Variants in FAHD2A observed in about 807,000 individuals in gnomAD.
FAHD2A encodes the protein fumarylacetoacetate hydrolase domain containing 2A, also known as oxaloacetate tautomerase FAHD2A, mitochondrial.
FAHD2A carries 27 observed loss-of-function variants against 33.4 expected under a neutral mutation model. That is an observed-to-expected ratio of 0.81 (90% CI 0.60 to 1.11). The LOEUF (loss-of-function observed/expected upper bound fraction) is 1.11. FAHD2A is among the 50% of genes most tolerant of loss of function. The probability of loss-of-function intolerance (pLI) is 0.00; values close to 1 mark genes in which losing one functional copy is unlikely to be tolerated. For missense variants in FAHD2A, 296 were observed against 395.0 expected (o/e 0.75, Z 2.12); for synonymous variants, 130 against 153.3 (o/e 0.85, Z 1.12).
In FAHD2A at chr2:95,413,943, A is replaced by T; in HGVS notation, c.*986A>T. On this transcript the variant is annotated 3_prime_UTR_variant, in exon 8 of 8. Transcript: ENST00000233379. ...GGGAGCAGGGGGACAGAAGATGGTGACACTGGCTCCTCTCACCCCTAGGTC... is the reference window on the plus strand; with the variant it reads ...GGGAGCAGGGGGACAGAAGATGGTGTCACTGGCTCCTCTCACCCCTAGGTC... 2 of 1,257,682 alleles carry T rather than the reference A, an allele frequency of 1.6e-6. No individual in the cohort carries two copies. The highest frequency in any genetic ancestry group is 1.2e-6 in the Non-Finnish European group (1 of 856,466). 77.9% of individuals were successfully genotyped at this position (1,257,682 alleles called of 1,614,324 possible). A position where few individuals can be genotyped will look rare whatever the true frequency, so the allele number is the denominator to read the frequency against.
downstream of FAHD2A, among the ~76,000 whole-genome samples, chr2:95,418,600 G>A (rs1362272136): frequency 6.6e-6 from 1 of 151,998 alleles, no homozygotes; most frequent in Non-Finnish European, 1.5e-5. Flanking sequence ...TGTGAGGTTA[G>A]TAGAGAGCTT....
At chr2:95,404,171 C>T (rs567199415) in intron 1 of FAHD2A, among the ~76,000 whole-genome samples, 14 of 152,252 alleles carry the variant, frequency 9.2e-5, no homozygotes, top group Admixed American at 8.5e-4. Flanking sequence ...GAGCAAGGAA[C>T]CATTCAGGGA....
chr2:95,412,326 C>A lies in FAHD2A; in HGVS notation c.686-108C>A, dbSNP rs907803307. 5.3e-6 allele frequency: 7 copies of A among 1,323,824 alleles called. No individual in the cohort carries two copies. The African/African-American group carries it at 5.8e-5, about 11-fold the overall frequency. The allele number at this position is 1,323,824 out of a possible 1,614,324, so 82.0% of individuals were successfully genotyped here. ...CTGAGTCAATGTGGGCACTTTGAAG[C>A]CCTTTCACCTGCCAAGTCACGAAGC... On this transcript the variant is annotated intron_variant, in intron 5 of 7. Coordinates refer to ENST00000233379, the MANE Select transcript of FAHD2A (RefSeq NM_016044.3).
intron 1 of FAHD2A, among the ~76,000 whole-genome samples, chr2:95,404,789 A>G (rs948940618): frequency 4.6e-5 from 7 of 152,230 alleles, no homozygotes. Context: ...GGAGATGACA[A>G]GTGATGGCTG....
At chr2:95,405,497 A>T (rs1420467076) in intron 1 of FAHD2A, 56 bp from the exon 2 acceptor site, 39 of 1,553,592 alleles carry the variant, frequency 2.5e-5, no homozygotes, top group South Asian at 3.7e-5. Flanking sequence ...ATTTCAGGGA[A>T]CCTGATGATG....
chr2:95,420,208 C>T (rs1175601382), downstream of FAHD2A, among the ~76,000 whole-genome samples: 2 of 152,068 alleles, frequency 1.3e-5, no homozygotes, highest in Non-Finnish European at 2.9e-5. Context: ...CACAGAAACA[C>T]CTGAGAAATA....
At chr2:95,416,835 A>G (rs1413248986), downstream of FAHD2A, among the ~76,000 whole-genome samples, 4 of 152,196 alleles carry the variant, frequency 2.6e-5, no homozygotes, top group Non-Finnish European at 5.9e-5. Flanking sequence ...GGATTTCCCA[A>G]TACATAACTA....
chr2:95,409,891 G>A (rs1451842065), intron 3 of FAHD2A, among the ~76,000 whole-genome samples: 1 of 152,174 alleles, frequency 6.6e-6, no homozygotes, highest in Non-Finnish European at 1.5e-5. Context: ...ACTGGAATTG[G>A]CCGTTTCCCC....
Position 95,407,028 on chromosome 2 carries a change from G to A in FAHD2A, c.333G>A (p.Val111=), listed in dbSNP as rs759146366. The A allele has an allele frequency of 3.1e-6, 5 of 1,613,880 alleles. No individual in the cohort carries two copies. In the South Asian group the frequency reaches 4.4e-5, roughly 14 times the overall value. Residue 111 remains valine, a synonymous_variant, in exon 3 of 8, where the codon GTG becomes GTA. Coordinates refer to ENST00000233379, the MANE Select transcript of FAHD2A (RefSeq NM_016044.3). ...PVTRPDKVVC[V]GMNYVDHCKE... is the part of the protein sequence containing the mutation. ...CACGACCAGATAAGGTGGTGTGTGT[G>A]GGCATGAATTATGTGGACCACTGCA...
At chr2:95,408,529 AAGG>A (rs1681984086) in intron 3 of FAHD2A, among the ~76,000 whole-genome samples, 1 of 152,348 alleles carries the variant, frequency 6.6e-6, no homozygotes, top group Admixed American at 6.5e-5. Flanking sequence ...GGCAGAAGGC[AAGG>A]AGGAGCAAGT....
At chr2:95,403,287 C>T (rs1007246342) in intron 1 of FAHD2A, among the ~76,000 whole-genome samples, 7 of 152,138 alleles carry the variant, frequency 4.6e-5, no homozygotes, top group South Asian at 2.1e-4. Context: ...GTCTCAGTGT[C>T]CTCTTCTTTA....
chr2:95,412,504 G>A lies in FAHD2A; in HGVS notation c.756G>A (p.Met252Ile). ...EVVQSGNTNQMVFKTEDLIAW... is the reference protein window; with the variant it reads ...EVVQSGNTNQIVFKTEDLIAW... ...TCCAGAGCGGCAACACCAACCAGAT[G>A]GTATTCAAGACAGAGGACCTGATAG... Residue 252 changes from methionine (M) to isoleucine (I), a missense_variant, in exon 6 of 8, where the codon ATG (methionine) becomes ATA (isoleucine). Transcript: ENST00000233379. The A allele has an allele frequency of 1.6e-5, 26 of 1,613,918 alleles. No individual in the cohort carries two copies. Among genetic ancestry groups the A allele is most frequent in the Non-Finnish European group, 2.1e-5 (25 of 1,179,864 alleles).
downstream of FAHD2A, among the ~76,000 whole-genome samples, chr2:95,417,717 G>A (rs1260703005): frequency 2.0e-5 from 3 of 152,028 alleles, no homozygotes; most frequent in Non-Finnish European, 4.4e-5. Flanking sequence ...GCTTGGAGGT[G>A]GCCATCTTCT....
chr2:95,404,419 T>C (rs1228209175), intron 1 of FAHD2A, among the ~76,000 whole-genome samples: 1 of 151,994 alleles, frequency 6.6e-6, no homozygotes, highest in African/African-American at 2.4e-5. Context: ...TCAGCCTCCC[T>C]AGTAGCTGGG....
At chr2:95,408,348 C>T (rs1210189903) in intron 3 of FAHD2A, among the ~76,000 whole-genome samples, 1 of 152,158 alleles carries the variant, frequency 6.6e-6, no homozygotes, top group East Asian at 1.9e-4. Context: ...TCAGTTATAT[C>T]TCTTTAGTGG....
Position 95,407,042 on chromosome 2 carries a change from T to G in FAHD2A, c.347T>G (p.Val116Gly). Residue 116 changes from valine (V) to glycine (G), a missense_variant, in exon 3 of 8, where the codon GTG becomes GGG. By Grantham distance (109) the Val-to-Gly change is moderately radical. Transcript: ENST00000233379. ...DKVVCVGMNY[V>G]DHCKEQNVPV... ...GTGGTGTGTGTGGGCATGAATTATG[T>G]GGACCACTGCAAAGAACAGAACGTG... 3.1e-6 allele frequency: 5 copies of G among 1,613,800 alleles called. No individual in the cohort carries two copies. Among genetic ancestry groups the G allele is most frequent in the Non-Finnish European group, 4.2e-6 (5 of 1,179,856 alleles).
chr2:95,406,901 G>A, intron 2 of FAHD2A, 40 bp from the exon 3 acceptor site: 1 of 1,562,780 alleles, frequency 6.4e-7, no homozygotes. Context: ...TTGCCCACCT[G>A]TTCCCAGCCA....
chr2:95,410,485 C>T, intron 3 of FAHD2A, 42 bp from the exon 4 acceptor site: 1 of 1,582,482 alleles, frequency 6.3e-7, no homozygotes, highest in Non-Finnish European at 8.6e-7. Context: ...GACAGTGGGC[C>T]CTGAAGCCAC....
rs1013548429 is a variant in FAHD2A at position 95,413,220 on chromosome 2, TACAC to T, written c.*269_*272del. 19 of 1,099,412 alleles carry T rather than the reference TACAC, an allele frequency of 1.7e-5. No individual in the cohort carries two copies. In the African/African-American group the frequency reaches 1.9e-4, roughly 11 times the overall value. 68.1% of individuals were successfully genotyped at this position (1,099,412 alleles called of 1,614,324 possible). A position where few individuals can be genotyped will look rare whatever the true frequency, so the allele number is the denominator to read the frequency against. ...TGGGACTGGGGAAGAAGAGAGCAAATACACACACATATGCCAAAAAGATGCTGCT... is the reference window on the plus strand; with the variant it reads ...TGGGACTGGGGAAGAAGAGAGCAAATACACATATGCCAAAAAGATGCTGCT... On this transcript the variant is annotated 3_prime_UTR_variant, in exon 8 of 8. Coordinates refer to ENST00000233379, the MANE Select transcript of FAHD2A (RefSeq NM_016044.3).
Sources: allele counts gnomAD v4.1 joint callset (sites outside exome capture counted in the v4.1 genomes callset), GRCh38; gene constraint gnomAD v4.1.1; transcripts MANE v1.5; gene names NCBI Gene and HGNC (gene_info 2026-07-23, HGNC 2026-07-21).